The following AP3B2 variants were observed in gnomAD, a reference collection of about 807,000 sequenced individuals.
The protein encoded by AP3B2 is AP-3 complex subunit beta-2.
Under a neutral mutation model 126.9 loss-of-function variants are expected in AP3B2, and 50 were observed. The ratio of observed to expected loss-of-function variants is 0.39; its 90% confidence interval spans 0.31 to 0.50. The LOEUF (loss-of-function observed/expected upper bound fraction) is 0.50, where lower values mean the gene tolerates loss of function less well. Among genes scored for constraint, AP3B2 ranks in the 20% least tolerant of loss-of-function variants. The pLI is 0.79. For missense variants in AP3B2, 1,177 were observed against 1,426.4 expected, an observed-to-expected ratio of 0.83 and a Z score of 2.82; for synonymous variants, 541 against 565.0, an observed-to-expected ratio of 0.96 and a Z score of 0.60.
intron 4 of AP3B2, among the ~76,000 whole-genome samples, chr15:82,683,047 G>GTGTTTTT (rs2048368298): frequency 2.6e-5 from 2 of 77,728 alleles, no homozygotes; most frequent in African/African-American, 4.5e-5. Flanking sequence ...TGCACCAGGA[G>GTGTTTTT]TTTTTTTTTT....
intron 1 of AP3B2, among the ~76,000 whole-genome samples, chr15:82,709,115 G>A (rs929988526): frequency 6.6e-6 from 1 of 152,114 alleles, no homozygotes; most frequent in African/African-American, 2.4e-5. Flanking sequence ...GGGGACCAGA[G>A]GGAGGGGAAA....
rs182094198 is a variant in AP3B2, at chr15:82,689,245, G to A, written c.190-13C>T. The A allele has an allele frequency of 5.2e-3, 8,389 of 1,613,984 alleles. 93 individuals are homozygous for A. The highest frequency in any genetic ancestry group is 0.024 in the Middle Eastern group (144 of 6,062). On this transcript the variant is annotated splice_polypyrimidine_tract_variant and intron_variant, in intron 2 of 26. Coordinates refer to ENST00000535359, the MANE Select transcript of AP3B2 (RefSeq NM_001278512.2). ...CTCGGGCAATCATCTGGGTGGTGGG[G>A]TCAAGGTAGGGGAAGAGGGACAAAG...
chr15:82,663,538 G>T, intron 21 of AP3B2, 22 bp downstream of exon 21: 1 of 1,612,614 alleles, frequency 6.2e-7, no homozygotes, highest in South Asian at 1.1e-5. Flanking sequence ...TTTCCCCTGT[G>T]ACTTTTACCA....
At position 82,680,722 on chromosome 15, in the gene AP3B2, A is replaced by C. The variant is rs1376503643; in HGVS notation, c.805T>G (p.Phe269Val). The C allele has an allele frequency of 1.9e-6, 3 of 1,567,570 alleles. No homozygotes were observed. The change falls in exon 8 of 27, where the codon TTC becomes GTC. Residue 269 changes from phenylalanine to valine, a missense_variant. Physicochemically the swap from Phe to Val is conservative, Grantham distance 50. Transcript: ENST00000535359. This position sits in a 1 kb window ranked among gnomAD's most constrained non-coding sequence, Gnocchi z 6.1. ...SLLEENAEKAFYGSEEDEAKG... is the reference protein window; with the variant it reads ...SLLEENAEKAVYGSEEDEAKG... ...GCCTCGTCCTCCTCTGAGCCGTAGAAGGCTTTTTCCGCGTTCTCCTCTAGT... is the reference window on the plus strand; with the variant it reads ...GCCTCGTCCTCCTCTGAGCCGTAGACGGCTTTTTCCGCGTTCTCCTCTAGT...
In AP3B2 at chr15:82,665,213, A is replaced by T. The variant is rs1429299481; in HGVS notation, c.2028+34T>A. ...GGAAGAAGAGGGACACAGACAGGGC[A>T]GGGGAGAGAGCACACGTCACACGAA... On this transcript the variant is annotated intron_variant, in intron 17 of 26. Transcript: ENST00000535359. The surrounding 1 kb of genome is among the most constrained non-coding windows in gnomAD (Gnocchi z 4.4). 1.3e-6 allele frequency: 2 copies of T among 1,530,808 alleles called. No individual in the cohort carries two copies. Among genetic ancestry groups the T allele is most frequent in the Admixed American group, 2.0e-5 (1 of 51,028 alleles). 94.8% of individuals were successfully genotyped at this position (1,530,808 alleles called of 1,614,324 possible).
chr15:82,668,020 C>G (rs1301218339), intron 14 of AP3B2, among the ~76,000 whole-genome samples: 1 of 152,184 alleles, frequency 6.6e-6, no homozygotes, highest in Admixed American at 6.5e-5. Context: ...TCTGTTCTTC[C>G]TGAGGTTTAT....
intron 14 of AP3B2, among the ~76,000 whole-genome samples, chr15:82,673,042 G>C (rs944288514): frequency 6.6e-6 from 1 of 152,190 alleles, no homozygotes; most frequent in African/African-American, 2.4e-5. Context: ...CTCAGTTGTA[G>C]CCTTGCATAA....
chr15:82,675,719 A>C (rs1596177442), intron 14 of AP3B2, among the ~76,000 whole-genome samples: 1 of 152,340 alleles, frequency 6.6e-6, no homozygotes, highest in Admixed American at 6.5e-5. Flanking sequence ...TTCCAACAAA[A>C]CTTTATTACA....
In AP3B2 at chr15:82,664,462, A is replaced by G. The variant is rs755579731; in HGVS notation, c.2166T>C (p.Ser722=). 6.2e-7 allele frequency: 1 copy of G among 1,613,698 alleles called. No individual in the cohort carries two copies. Among genetic ancestry groups the G allele is most frequent in the East Asian group, 2.2e-5 (1 of 44,868 alleles). ...SDPESESESD[S]KSSSESGSGE... ...CAGAGCCGCTCTCACTGCTGCTCTT[A>G]CTGTCCGATTCACTCTCAGACTCAG... Residue 722 remains serine (S), a synonymous_variant, in exon 19 of 27, where the codon AGT becomes AGC. Transcript: ENST00000535359. The surrounding 1 kb of genome is among the most constrained non-coding windows in gnomAD (Gnocchi z 4.5).
chr15:82,685,845 C>T (rs1375460397), intron 4 of AP3B2: 3 of 152,176 alleles, frequency 2.0e-5, no homozygotes, highest in Non-Finnish European at 4.4e-5. Context: ...GCAGAATTCA[C>T]ATCTGTTTTA....
At chr15:82,662,429 C>T (rs1057283101) in intron 23 of AP3B2, 177 bp from the exon 24 acceptor site, 1 of 653,444 alleles carries the variant, frequency 1.5e-6, no homozygotes, top group Non-Finnish European at 2.6e-6. Context: ...TCTAAGCACC[C>T]TTTCCCCCAC....
At chr15:82,676,679 A>G (rs2048247472) in intron 13 of AP3B2, 42 bp from the exon 14 acceptor site, 1 of 1,602,486 alleles carries the variant, frequency 6.2e-7, no homozygotes, top group Non-Finnish European at 8.5e-7. Context: ...AAATACGGGA[A>G]AGTGGGTGGG....
intron 25 of AP3B2, among the ~76,000 whole-genome samples, chr15:82,660,395 AC>A (rs1208724688): frequency 6.6e-6 from 1 of 152,236 alleles, no homozygotes; most frequent in East Asian, 1.9e-4. Flanking sequence ...CTAAGCCCTC[AC>A]AAAAAGATCA....
intron 1 of AP3B2, among the ~76,000 whole-genome samples, chr15:82,700,986 G>A (rs1207953538): frequency 1.3e-5 from 2 of 151,964 alleles, no homozygotes; most frequent in South Asian, 4.2e-4. Context: ...TCAGCCTCCT[G>A]AGTAGCTGGG....
chr15:82,670,667 C>G (rs2048141632), intron 14 of AP3B2, among the ~76,000 whole-genome samples: 1 of 152,144 alleles, frequency 6.6e-6, no homozygotes, highest in Non-Finnish European at 1.5e-5. Flanking sequence ...GAGTGATACC[C>G]CACAAGCACG....
At chr15:82,690,962 G>A (rs1355060566) in intron 1 of AP3B2, among the ~76,000 whole-genome samples, 4 of 152,164 alleles carry the variant, frequency 2.6e-5, no homozygotes, top group Non-Finnish European at 5.9e-5. Context: ...TTACAGGCAT[G>A]AGCCACCGCA....
At chr15:82,699,785 G>A (rs1006325745) in intron 1 of AP3B2, 10 of 399,196 alleles carry the variant, frequency 2.5e-5, no homozygotes, top group Non-Finnish European at 4.4e-5. Flanking sequence ...TCGGGAGCCA[G>A]CACAGGGCTA....
intron 15 of AP3B2, among the ~76,000 whole-genome samples, chr15:82,666,101 G>T (rs1171054175): frequency 6.6e-6 from 1 of 152,226 alleles, no homozygotes; most frequent in Non-Finnish European, 1.5e-5. Flanking sequence ...AAGAGAAAAA[G>T]AACGAAAAGA....
At position 82,681,706 on chromosome 15, in the gene AP3B2, G is replaced by T. The variant is rs569054581; in HGVS notation, c.361-126C>A. 6 of 1,077,870 alleles carry T rather than the reference G, an allele frequency of 5.6e-6. No individual in the cohort carries two copies. Among genetic ancestry groups the T allele is most frequent in the African/African-American group, 3.2e-5 (2 of 62,986 alleles). 66.8% of individuals were successfully genotyped at this position (1,077,870 alleles called of 1,614,324 possible). A position where few individuals can be genotyped will look rare whatever the true frequency, so the allele number is the denominator to read the frequency against. ...CTTGCTTCCCTGCCGCTTGACTGGAGCCTGGATGGTGTGCCAGTGATGGGT... is the reference window on the plus strand; with the variant it reads ...CTTGCTTCCCTGCCGCTTGACTGGATCCTGGATGGTGTGCCAGTGATGGGT... On this transcript the variant is annotated intron_variant, in intron 4 of 26. Transcript: ENST00000535359. This position sits in a 1 kb window ranked among gnomAD's most constrained non-coding sequence, Gnocchi z 4.0.
Sources: allele counts gnomAD v4.1 joint callset (sites outside exome capture counted in the v4.1 genomes callset), GRCh38; gene constraint gnomAD v4.1.1; non-coding constraint Gnocchi (gnomAD v3.1); transcripts MANE v1.5; gene names NCBI Gene and HGNC (gene_info 2026-07-23, HGNC 2026-07-21).